Variants in KHSRP observed in about 807,000 individuals in gnomAD.
KHSRP encodes the protein KH-type splicing regulatory protein.
Under a neutral mutation model 94.9 loss-of-function variants are expected in KHSRP, and 13 were observed. That is an observed-to-expected ratio of 0.14 (90% CI 0.09 to 0.22). The LOEUF (loss-of-function observed/expected upper bound fraction) is 0.22. KHSRP is among the 10% of genes least tolerant of loss of function. The probability of loss-of-function intolerance (pLI) is 1.00; values close to 1 mark genes in which losing one functional copy is unlikely to be tolerated. For missense variants in KHSRP, 710 were observed against 1,010.0 expected, an observed-to-expected ratio of 0.70 and a Z score of 4.03; for synonymous variants, 495 against 401.4, an observed-to-expected ratio of 1.23 and a Z score of -2.79.
Position 6,424,584 on chromosome 19 carries a change from G to A in KHSRP, c.118C>T (p.Arg40Trp), listed in dbSNP as rs2092221081. ...CCGCCGCCGGGACCGCCGCCGCCCC[G>A]GTCCCCCGCGCCTGGCGGGCCCGGC... ...PPPGPPGAGD[R>W]GGGGPGGGGP... The change falls in exon 1 of 19, where the codon CGG (arginine) becomes TGG (tryptophan). Residue 40 changes from arginine to tryptophan, a missense_variant. Coordinates refer to ENST00000600480, the MANE Select transcript of KHSRP (RefSeq NM_001366299.1). The A allele has an allele frequency of 1.1e-6, 1 of 930,740 alleles. No individual in the cohort carries two copies. 57.7% of individuals were successfully genotyped at this position (930,740 alleles called of 1,614,324 possible).
At position 6,417,746 on chromosome 19, in the gene KHSRP, G is replaced by A. The variant is rs1248493773; in HGVS notation, c.1074C>T (p.Phe358=). ...IQNDAGVRIQ[F]KQDDGTGPEK... is the part of the protein sequence containing the mutation. Reference sequence around the variant, plus strand: ...GGTGGGCCAGGCCCTGACCTTGCTTGAACTGTATCCGCACGCCAGCATCAT... The same window carrying A: ...GGTGGGCCAGGCCCTGACCTTGCTTAAACTGTATCCGCACGCCAGCATCAT... The change falls in exon 11 of 19, where the codon TTC becomes TTT. Residue 358 remains phenylalanine, a synonymous_variant. Coordinates refer to ENST00000600480, the MANE Select transcript of KHSRP (RefSeq NM_001366299.1). The A allele has an allele frequency of 5.6e-6, 9 of 1,613,502 alleles. No homozygotes were observed. In the Admixed American group the frequency reaches 1.3e-4, roughly 24 times the overall value.
rs550361186 is a variant in KHSRP, at chr19:6,418,925, G to A, written c.606-49C>T. The A allele has an allele frequency of 1.8e-5, 27 of 1,492,980 alleles. No homozygotes were observed. In the African/African-American group the frequency reaches 2.5e-4, roughly 14 times the overall value. The allele number at this position is 1,492,980 out of a possible 1,614,324, so 92.5% of individuals were successfully genotyped here. A position where few individuals can be genotyped will look rare whatever the true frequency, so the allele number is the denominator to read the frequency against. On this transcript the variant is annotated intron_variant, in intron 7 of 18. Transcript: ENST00000600480. The surrounding 1 kb of genome is among the most constrained non-coding windows in gnomAD (Gnocchi z 4.3). ...TGAGCGGGTGCCACCGCTGGAGAAAGGTACTGGTCTGGTGGCCCACCCAGC... is the reference window on the plus strand; with the variant it reads ...TGAGCGGGTGCCACCGCTGGAGAAAAGTACTGGTCTGGTGGCCCACCCAGC...
intron 2 of KHSRP, 64 bp downstream of exon 2, chr19:6,422,272 TCAAA>T (rs1270517619): frequency 6.6e-6 from 7 of 1,060,194 alleles, no homozygotes; most frequent in African/African-American, 3.1e-5. Flanking sequence ...TGAACCACAC[TCAAA>T]CAAAAGCACC....
In KHSRP at chr19:6,424,690, G is replaced by A. The variant is rs954353820; in HGVS notation, c.12C>T (p.Tyr4=). Residue 4 remains tyrosine, a synonymous_variant, in exon 1 of 19, where the codon TAC becomes TAT. Coordinates refer to ENST00000600480, the MANE Select transcript of KHSRP (RefSeq NM_001366299.1). ...GCCCGGGCGGGGGTCCTCCCGTGCTGTAGTCCGACATGGCGCGGCGGGGCC... is the reference window on the plus strand; with the variant it reads ...GCCCGGGCGGGGGTCCTCCCGTGCTATAGTCCGACATGGCGCGGCGGGGCC... MSD[Y]STGGPPPGPP... The A allele has an allele frequency of 3.9e-6, 4 of 1,032,752 alleles. No homozygotes were observed. In the African/African-American group the frequency reaches 5.2e-5, roughly 13 times the overall value. 64.0% of individuals were successfully genotyped at this position (1,032,752 alleles called of 1,614,324 possible). A position where few individuals can be genotyped will look rare whatever the true frequency, so the allele number is the denominator to read the frequency against.
At chr19:6,422,971 T>A (rs944293941) in intron 1 of KHSRP, among the ~76,000 whole-genome samples, 1 of 152,166 alleles carries the variant, frequency 6.6e-6, no homozygotes, top group South Asian at 2.1e-4. Context: ...AAATCCTCAT[T>A]TGACCAAAAC....
chr19:6,415,733 G>C lies in KHSRP; in HGVS notation c.1689C>G (p.Ser563Arg). ...GGTCCGCGGCCGCTGCAGCTGCTTT[G>C]CCTGCAGGAGATACCTCGGGTGAGA... Reference protein sequence around the residue: ...QWQPPAPHDPSKAAAAAADPN... With the variant: ...QWQPPAPHDPRKAAAAAADPN... Residue 563 changes from serine to arginine, a missense_variant and splice_region_variant, in exon 17 of 19, where the codon AGC (serine) becomes AGG (arginine). By Grantham distance (110) the Ser-to-Arg change is moderately radical. Transcript: ENST00000600480. The C allele has an allele frequency of 6.5e-7, 1 of 1,550,354 alleles. No homozygotes were observed. The highest frequency in any genetic ancestry group is 8.7e-7 in the Non-Finnish European group (1 of 1,147,050).
Position 6,423,028 on chromosome 19 carries a change from C to T in KHSRP, c.250-592G>A, listed in dbSNP as rs142399422. ...GGCACTGTGACTTATGCCTGTAATCCCAGCATTTTGGGAGGCCGAGGCGGG... is the reference window on the plus strand; with the variant it reads ...GGCACTGTGACTTATGCCTGTAATCTCAGCATTTTGGGAGGCCGAGGCGGG... On this transcript the variant is annotated intron_variant, in intron 1 of 18. Coordinates refer to ENST00000600480, the MANE Select transcript of KHSRP (RefSeq NM_001366299.1). 7.2e-4 allele frequency among the ~76,000 whole-genome samples: 110 copies of T among 152,298 alleles called. No homozygotes were observed. In the East Asian group the frequency reaches 0.02, roughly 28 times the overall value.
In KHSRP at chr19:6,413,960, CAAGT is replaced by C; in HGVS notation, c.*1060_*1063del. Reference sequence around the variant, plus strand: ...AGAGAGTGAGGGCCCGGCATGCCCCCAAGTCCCCCCCACCCTGCTTGCCGCGAGG... The same window carrying C: ...AGAGAGTGAGGGCCCGGCATGCCCCCCCCCCCCACCCTGCTTGCCGCGAGG... On this transcript the variant is annotated 3_prime_UTR_variant, in exon 19 of 19. Transcript: ENST00000600480. 1 of 970,426 alleles carries C rather than the reference CAAGT, an allele frequency of 1.0e-6. No individual in the cohort carries two copies. Among genetic ancestry groups the C allele is most frequent in the Non-Finnish European group, 1.5e-6 (1 of 681,610 alleles). The allele number at this position is 970,426 out of a possible 1,614,324, so 60.1% of individuals were successfully genotyped here.
At chr19:6,417,696 G>C (rs2092160326) in intron 11 of KHSRP, 43 bp downstream of exon 11, 3 of 1,546,344 alleles carry the variant, frequency 1.9e-6, no homozygotes, top group African/African-American at 1.4e-5. Context: ...CCCAAAGAGG[G>C]TGGGGGTGCA....
chr19:6,415,036 C>G lies in KHSRP; in HGVS notation c.2232G>C (p.Gly744=), dbSNP rs2092132836. The G allele has an allele frequency of 2.0e-6, 3 of 1,514,782 alleles. No individual in the cohort carries two copies. Among genetic ancestry groups the G allele is most frequent in the African/African-American group, 2.8e-5 (2 of 72,190 alleles). The allele number at this position is 1,514,782 out of a possible 1,614,324, so 93.8% of individuals were successfully genotyped here. A position where few individuals can be genotyped will look rare whatever the true frequency, so the allele number is the denominator to read the frequency against. The part of the protein sequence containing the change: ...VGSAGNPFPC[G]VCP ...CCCGCTGCAGGCATCAAGGGCACAC[C>G]CCGCAGGGGAAGGGGTTTCCGGCGC... The change falls in exon 19 of 19, where the codon GGG becomes GGC. Residue 744 remains glycine, a synonymous_variant. Coordinates refer to ENST00000600480, the MANE Select transcript of KHSRP (RefSeq NM_001366299.1).
chr19:6,420,701 C>A (rs148021242), intron 4 of KHSRP, among the ~76,000 whole-genome samples: 42 of 152,374 alleles, frequency 2.8e-4, no homozygotes, highest in African/African-American at 9.6e-4. Context: ...AGAGGGAGCA[C>A]TGAGTAGCAA....
At chr19:6,416,695 G>C (rs751749044) in intron 13 of KHSRP, 43 bp downstream of exon 13, 2 of 1,612,380 alleles carry the variant, frequency 1.2e-6, no homozygotes, top group Non-Finnish European at 1.7e-6. Flanking sequence ...TGATGGCCCA[G>C]GGAAGAGGGG....
At position 6,414,052 on chromosome 19, in the gene KHSRP, C is replaced by G; in HGVS notation, c.*972G>C. 1.3e-6 allele frequency: 2 copies of G among 1,555,330 alleles called. No individual in the cohort carries two copies. Among genetic ancestry groups the G allele is most frequent in the African/African-American group, 1.4e-5 (1 of 71,878 alleles). ...GCCAAACAAAACAGAAGCCCCCAAA[C>G]AGAACAAAATGGAAAAAAAAAAGAT... On this transcript the variant is annotated 3_prime_UTR_variant, in exon 19 of 19. Coordinates refer to ENST00000600480, the MANE Select transcript of KHSRP (RefSeq NM_001366299.1).
chr19:6,415,743 G>T lies in KHSRP; in HGVS notation c.1688-9C>A, dbSNP rs1274888382. The T allele has an allele frequency of 6.4e-7, 1 of 1,550,726 alleles. No homozygotes were observed. The highest frequency in any genetic ancestry group is 2.0e-5 in the Admixed American group (1 of 51,026). On this transcript the variant is annotated splice_polypyrimidine_tract_variant and intron_variant, in intron 16 of 18. Coordinates refer to ENST00000600480, the MANE Select transcript of KHSRP (RefSeq NM_001366299.1). ...CGCTGCAGCTGCTTTGCCTGCAGGA[G>T]ATACCTCGGGTGAGACGGGGGGACA...
intron 1 of KHSRP, among the ~76,000 whole-genome samples, chr19:6,423,804 C>T (rs1483916805): frequency 1.3e-5 from 2 of 152,202 alleles, no homozygotes; most frequent in African/African-American, 4.8e-5. Flanking sequence ...GTCCTAGCAG[C>T]ATGTGACACT....
In KHSRP at chr19:6,414,211, TG is replaced by T. The variant is rs35196078; in HGVS notation, c.*812del. On this transcript the variant is annotated 3_prime_UTR_variant, in exon 19 of 19. Transcript: ENST00000600480. ...GAAGAGAGGAGGGGCTGGAACACCG[TG>T]GGGGGGGCCAGGAAGCCCCCTCCCA... 5.7e-5 allele frequency: 80 copies of T among 1,393,826 alleles called. No homozygotes were observed. In the Middle Eastern group the frequency reaches 2.7e-3, roughly 47 times the overall value. The allele number at this position is 1,393,826 out of a possible 1,614,324, so 86.3% of individuals were successfully genotyped here.
intron 3 of KHSRP, 48 bp downstream of exon 3, chr19:6,421,602 C>T: frequency 6.2e-7 from 1 of 1,606,778 alleles, no homozygotes; most frequent in Non-Finnish European, 8.5e-7. Context: ...TCCTGAAAAC[C>T]TCAACCCTCT....
intron 2 of KHSRP, 144 bp from the exon 3 acceptor site, chr19:6,421,832 TG>T: frequency 2.1e-6 from 2 of 933,282 alleles, no homozygotes; most frequent in East Asian, 2.6e-5. Context: ...CAGGAGAGAC[TG>T]GCCCCTGAGG....
intron 16 of KHSRP, 36 bp downstream of exon 16, chr19:6,415,772 C>G (rs1429272545): frequency 6.4e-7 from 1 of 1,553,170 alleles, no homozygotes; most frequent in Non-Finnish European, 8.7e-7. Flanking sequence ...GGGGACAGAA[C>G]AGGGCCTGCC....
Sources: allele counts gnomAD v4.1 joint callset (sites outside exome capture counted in the v4.1 genomes callset), GRCh38; gene constraint gnomAD v4.1.1; non-coding constraint Gnocchi (gnomAD v3.1); transcripts MANE v1.5; gene names NCBI Gene and HGNC (gene_info 2026-07-23, HGNC 2026-07-21).